The following MXRA5 variants were observed in gnomAD, a reference collection of about 807,000 sequenced individuals.
MXRA5 encodes matrix remodeling associated 5.
Under a neutral mutation model 112.5 loss-of-function variants are expected in MXRA5, and 41 were observed. The observed-to-expected ratio is 0.36, with a 90% CI of 0.28 to 0.47. The LOEUF is 0.47. MXRA5 is among the 20% of genes least tolerant of loss of function. MXRA5 has a pLI of 0.99. For synonymous variants in MXRA5, 862 were observed against 900.8 expected (o/e 0.96, Z 0.77); for missense variants, 2,150 against 2,251.0 (o/e 0.96, Z 0.91).
chrX:3,332,307 C>T (rs779674739), intron 2 of MXRA5, among the ~76,000 whole-genome samples: 2 of 110,692 alleles, frequency 1.8e-5, no homozygotes, highest in Admixed American at 9.5e-5. Context: ...GTGCAGTGGC[C>T]CATCTCGGCT....
chrX:3,317,022 C>A (rs905880121), intron 6 of MXRA5, 81 bp downstream of exon 6: 2 of 973,540 alleles, frequency 2.1e-6, no homozygotes, highest in Non-Finnish European at 2.7e-6. Context: ...AACGTGTGTG[C>A]ATATTCATCC....
At chrX:3,317,041 G>T in intron 6 of MXRA5, 62 bp downstream of exon 6, 2 of 1,041,593 alleles carry the variant, frequency 1.9e-6, no homozygotes, top group Non-Finnish European at 2.5e-6. Context: ...CCTGAAAAAG[G>T]ACTCATATTC....
At chrX:3,318,315 A>AT (rs1416578423) in intron 5 of MXRA5, among the ~76,000 whole-genome samples, 3 of 110,463 alleles carry the variant, frequency 2.7e-5, no homozygotes, top group East Asian at 5.7e-4. Context: ...GATAATTTAA[A>AT]TTTTTGTTTT....
chrX:3,311,996 A>G (rs145303620), intron 6 of MXRA5, among the ~76,000 whole-genome samples: 9,903 of 112,112 alleles, frequency 0.088, 470 homozygotes, highest in African/African-American at 0.19. Flanking sequence ...ATGGTGAAGA[A>G]TCTGGGTCAA....
At position 3,310,179 on chromosome X, in the gene MXRA5, T is replaced by C. The variant is rs143876565; in HGVS notation, c.8024A>G (p.Asn2675Ser). The change falls in exon 7 of 7, where the codon AAT becomes AGT. Residue 2675 changes from asparagine (N) to serine (S), a missense_variant. Transcript: ENST00000217939. ...TTGGGGGCCCTCCAGATGCATGCCATTGGGGAGCGTCCAGGAGAAACGTCC... is the reference window on the plus strand; with the variant it reads ...TTGGGGGCCCTCCAGATGCATGCCACTGGGGAGCGTCCAGGAGAAACGTCC... Reference protein sequence around the residue: ...GQGRFSWTLPNGMHLEGPQTL... With the variant: ...GQGRFSWTLPSGMHLEGPQTL... 2.4e-4 allele frequency: 291 copies of C among 1,209,731 alleles called. No individual in the cohort carries two copies. Among genetic ancestry groups the C allele is most frequent in the African/African-American group, 5.1e-4 (29 of 57,156 alleles).
chrX:3,342,736 C>A, intron 2 of MXRA5, among the ~76,000 whole-genome samples: 2 of 112,467 alleles, frequency 1.8e-5, no homozygotes, highest in Middle Eastern at 9.2e-3. Context: ...CTGACTCTAC[C>A]ACTGTCGATA....
intron 1 of MXRA5, among the ~76,000 whole-genome samples, chrX:3,344,606 GTA>G (rs1922064313): frequency 8.9e-6 from 1 of 111,746 alleles, no homozygotes; most frequent in Non-Finnish European, 1.9e-5. Context: ...AAAAGCTCGG[GTA>G]AAGCTAGATT....
chrX:3,339,097 A>G (rs1196652777), intron 2 of MXRA5, among the ~76,000 whole-genome samples: 1 of 110,872 alleles, frequency 9.0e-6, no homozygotes, highest in East Asian at 2.8e-4. Flanking sequence ...AAGGTGGAGA[A>G]GAAGGGAAAA....
In MXRA5 at chrX:3,322,936, G is replaced by C. The variant is rs751217263; in HGVS notation, c.2749C>G (p.Pro917Ala). The C allele has an allele frequency of 3.3e-6, 4 of 1,211,440 alleles. No homozygotes were observed. Among genetic ancestry groups the C allele is most frequent in the Non-Finnish European group, 4.5e-6 (4 of 895,459 alleles). Residue 917 changes from proline (P) to alanine (A), a missense_variant, in exon 5 of 7, where the codon CCT becomes GCT. Around this residue, in one of 6 missense-constraint regions of MXRA5, gnomAD observed 1,485 missense variants for 1,471.6 expected, o/e 1.01. Coordinates refer to ENST00000217939, the MANE Select transcript of MXRA5 (RefSeq NM_015419.4). Reference protein sequence around the residue: ...GTAAPTLISEPYEPSPTLHTL... With the variant: ...GTAAPTLISEAYEPSPTLHTL... Reference sequence around the variant, plus strand: ...TGCAGAGTAGGAGATGGTTCATAAGGCTCAGATATAAGTGTAGGGGCTGCT... The same window carrying C: ...TGCAGAGTAGGAGATGGTTCATAAGCCTCAGATATAAGTGTAGGGGCTGCT...
chrX:3,312,466 G>C (rs1921001425), intron 6 of MXRA5, among the ~76,000 whole-genome samples: 1 of 111,697 alleles, frequency 9.0e-6, no homozygotes, highest in East Asian at 2.8e-4. Context: ...TGAAAAGATT[G>C]AGAAAGTTCT....
chrX:3,343,577 A>T lies in MXRA5; in HGVS notation c.188+69T>A, dbSNP rs1305098788. 2.9e-6 allele frequency: 3 copies of T among 1,018,608 alleles called. No individual in the cohort carries two copies. In the East Asian group the frequency reaches 9.3e-5, roughly 32 times the overall value. The allele number at this position is 1,018,608 out of a possible 1,213,427, so 83.9% of individuals were successfully genotyped here. On this transcript the variant is annotated intron_variant, in intron 2 of 6. Transcript: ENST00000217939. ...TATGAAGTTAAGTAAATGCACATACACACACGCAAAACCAGATCAAGACGC... is the reference window on the plus strand; with the variant it reads ...TATGAAGTTAAGTAAATGCACATACTCACACGCAAAACCAGATCAAGACGC...
rs760712668 is a variant in MXRA5, at chrX:3,317,234, C to A, written c.6447G>T (p.Thr2149=). The change falls in exon 6 of 7, where the codon ACG becomes ACT. Residue 2149 remains threonine (T), a synonymous_variant. Coordinates refer to ENST00000217939, the MANE Select transcript of MXRA5 (RefSeq NM_015419.4). ...CGTCCGTCCTCCGCGGGGAGGTGCCCGTGATGCGCGCGTTGGCTGCTGCAC... is the reference window on the plus strand; with the variant it reads ...CGTCCGTCCTCCGCGGGGAGGTGCCAGTGATGCGCGCGTTGGCTGCTGCAC... The part of the protein sequence containing the change: ...VQRAAANARI[T]GTSPRRTDVR... The A allele has an allele frequency of 8.3e-7, 1 of 1,209,998 alleles. No homozygotes were observed. Among genetic ancestry groups the A allele is most frequent in the African/African-American group, 1.7e-5 (1 of 57,652 alleles).
Position 3,323,864 on chromosome X carries a change from G to A in MXRA5, c.1821C>T (p.Ala607=), listed in dbSNP as rs1272043565. The A allele has an allele frequency of 8.3e-7, 1 of 1,207,835 alleles. No homozygotes were observed. The highest frequency in any genetic ancestry group is 1.7e-5 in the African/African-American group (1 of 57,145). ...TGTTTGGAAGAATCCAGCTAAGGTGGGCTTCGGGTATTGCTAAAGCATTGC... is the reference window on the plus strand; with the variant it reads ...TGTTTGGAAGAATCCAGCTAAGGTGAGCTTCGGGTATTGCTAAAGCATTGC... ...LPCNALAIPE[A]HLSWILPNRR... is the part of the protein sequence containing the mutation. The change falls in exon 5 of 7, where the codon GCC becomes GCT. Residue 607 remains alanine (A), a synonymous_variant. Transcript: ENST00000217939.
At position 3,321,233 on chromosome X, in the gene MXRA5, A is replaced by G; in HGVS notation, c.4452T>C (p.Thr1484=). The part of the protein sequence containing the change: ...SETRPQNHTP[T]AARMKEPASS... ...ATGCTGGCTCCTTCATCCGGGCAGC[A>G]GTAGGGGTGTGATTCTGTGGTCTAG... The change falls in exon 5 of 7, where the codon ACT becomes ACC. Residue 1484 remains threonine, a synonymous_variant. Coordinates refer to ENST00000217939, the MANE Select transcript of MXRA5 (RefSeq NM_015419.4). 2.5e-6 allele frequency: 3 copies of G among 1,211,592 alleles called. No homozygotes were observed. Among genetic ancestry groups the G allele is most frequent in the Non-Finnish European group, 3.4e-6 (3 of 895,392 alleles).
chrX:3,329,690 A>G (rs1292369958), intron 4 of MXRA5, among the ~76,000 whole-genome samples: 2 of 111,610 alleles, frequency 1.8e-5, no homozygotes, highest in Non-Finnish European at 3.8e-5. Flanking sequence ...TCCCAGTCCC[A>G]GTTTCCCACA....
chrX:3,319,407 C>T (rs1921236433), intron 5 of MXRA5, among the ~76,000 whole-genome samples: 1 of 112,396 alleles, frequency 8.9e-6, no homozygotes. Context: ...GCCACAAGCT[C>T]AATTACTAGA....
intron 2 of MXRA5, among the ~76,000 whole-genome samples, chrX:3,337,943 T>C (rs1320860414): frequency 4.5e-5 from 5 of 111,278 alleles, no homozygotes; most frequent in Non-Finnish European, 9.4e-5. Flanking sequence ...GAGACAGGTG[T>C]TGGGGAAAGA....
At chrX:3,318,774 G>A (rs767280001) in intron 5 of MXRA5, among the ~76,000 whole-genome samples, 23 of 111,788 alleles carry the variant, frequency 2.1e-4, no homozygotes, top group Non-Finnish European at 9.4e-5. Context: ...CCAAGATATG[G>A]AATTCAGCTA....
rs1921166048 is a variant in MXRA5, at chrX:3,317,267, G to A, written c.6414C>T (p.Asn2138=). Residue 2138 remains asparagine (N), a synonymous_variant, in exon 6 of 7, where the codon AAC becomes AAT. Coordinates refer to ENST00000217939, the MANE Select transcript of MXRA5 (RefSeq NM_015419.4). The stretch of plus-strand genomic sequence containing the variant: ...GCGCGTTGGCTGCTGCACGCTGCAC[G>A]TTCAGCTGCACCGTCCTGCGCGCGG... ...VGSARRTVQL[N]VQRAAANARI... is the part of the protein sequence containing the mutation. 9 of 1,209,784 alleles carry A rather than the reference G, an allele frequency of 7.4e-6. No individual in the cohort carries two copies. Among genetic ancestry groups the A allele is most frequent in the Non-Finnish European group, 1.0e-5 (9 of 894,607 alleles).
Sources: allele counts gnomAD v4.1 joint callset (sites outside exome capture counted in the v4.1 genomes callset), GRCh38; gene constraint gnomAD v4.1.1; regional missense constraint gnomAD v4.1.1; transcripts MANE v1.5; gene names NCBI Gene and HGNC (gene_info 2026-07-23, HGNC 2026-07-21).